ATP10B: variants seen among roughly 807,000 people sequenced by gnomAD.
ATP10B encodes the protein ATPase phospholipid transporting 10B (putative).
A neutral mutation model predicts 141.2 loss-of-function variants in ATP10B; 122 were observed. The observed-to-expected ratio is 0.86, with a 90% CI of 0.75 to 1.00. The LOEUF (loss-of-function observed/expected upper bound fraction) is 1.00, where lower values mean the gene tolerates loss of function less well. ATP10B is among the 50% of genes least tolerant of loss of function. The probability of loss-of-function intolerance (pLI) is 0.00; values close to 1 mark genes in which losing one functional copy is unlikely to be tolerated. For synonymous variants in ATP10B, 685 were observed against 692.0 expected (o/e 0.99, Z 0.16); for missense variants, 1,876 against 1,825.3 (o/e 1.03, Z -0.51).
intron 2 of ATP10B, among the ~76,000 whole-genome samples, chr5:160,776,979 T>C (rs1770378215): frequency 6.6e-6 from 1 of 152,072 alleles, no homozygotes; most frequent in Non-Finnish European, 1.5e-5. Flanking sequence ...GGGAGCTGAG[T>C]GATCTGGCAA....
intron 7 of ATP10B, among the ~76,000 whole-genome samples, chr5:160,653,370 A>T (rs1225212433): frequency 1.5e-5 from 1 of 66,332 alleles, no homozygotes; most frequent in Non-Finnish European, 3.1e-5. Flanking sequence ...ACATACGTAC[A>T]TACATACATA....
intron 18 of ATP10B, among the ~76,000 whole-genome samples, chr5:160,608,949 G>A (rs982776106): frequency 6.6e-6 from 1 of 152,150 alleles, no homozygotes; most frequent in Non-Finnish European, 1.5e-5. Flanking sequence ...GATCCTATTT[G>A]TTAATTTTGG....
At chr5:160,723,685 A>G (rs1219419235) in intron 2 of ATP10B, among the ~76,000 whole-genome samples, 5 of 152,178 alleles carry the variant, frequency 3.3e-5, no homozygotes, top group African/African-American at 1.2e-4. Context: ...AAAATTAATC[A>G]AGAAATACCA....
intron 2 of ATP10B, among the ~76,000 whole-genome samples, chr5:160,741,366 G>A (rs1443619300): frequency 6.6e-6 from 1 of 152,220 alleles, no homozygotes; most frequent in Non-Finnish European, 1.5e-5. Flanking sequence ...AGGAGGATGG[G>A]ATCAGTCTCT....
At chr5:160,725,754 A>T (rs75397031) in intron 2 of ATP10B, among the ~76,000 whole-genome samples, 2,639 of 152,214 alleles carry the variant, frequency 0.017, 78 homozygotes, top group African/African-American at 0.06. Flanking sequence ...CTACTATGGG[A>T]TTCTTAGGTA....
At chr5:160,643,607 C>A (rs1561687599) in intron 9 of ATP10B, among the ~76,000 whole-genome samples, 1 of 152,122 alleles carries the variant, frequency 6.6e-6, no homozygotes, top group Non-Finnish European at 1.5e-5. Flanking sequence ...ATATATGGAG[C>A]CATAAAATAA....
the ATP10B span, among the ~76,000 whole-genome samples, chr5:160,921,144 T>C: frequency 6.6e-6 from 1 of 152,202 alleles, no homozygotes; most frequent in African/African-American, 2.4e-5. Context: ...GGATCAAATA[T>C]TGTCATTCTT....
intron 1 of ATP10B, among the ~76,000 whole-genome samples, chr5:160,845,771 A>T (rs116287087): frequency 0.013 from 1,915 of 152,246 alleles, 40 homozygotes; most frequent in African/African-American, 0.044. Flanking sequence ...AGCTATGAGG[A>T]CGGTCACCAT....
At chr5:160,621,614 G>T (rs1175728097) in intron 14 of ATP10B, among the ~76,000 whole-genome samples, 1 of 152,220 alleles carries the variant, frequency 6.6e-6, no homozygotes, top group African/African-American at 2.4e-5. Flanking sequence ...GATTTTCAGG[G>T]TGGTTTGGAA....
At chr5:160,707,487 T>C (rs1378388389) in intron 3 of ATP10B, among the ~76,000 whole-genome samples, 1 of 152,210 alleles carries the variant, frequency 6.6e-6, no homozygotes, top group African/African-American at 2.4e-5. Flanking sequence ...ACTCATTAAA[T>C]TGCAAGCAAA....
Position 160,604,583 on chromosome 5 carries a change from G to T in ATP10B, c.3161-542C>A, listed in dbSNP as rs182413099. On this transcript the variant is annotated intron_variant, in intron 19 of 25. Transcript: ENST00000327245. ...GTCAATGGTTTCCAAGGAGAGGGAT[G>T]ATATTGTTTTGTTTCTCAGTGTAGA... 3.3e-5 allele frequency among the ~76,000 whole-genome samples: 5 copies of T among 152,254 alleles called. No individual in the cohort carries two copies. In the East Asian group the frequency reaches 9.6e-4, roughly 29 times the overall value.
intron 1 of ATP10B, among the ~76,000 whole-genome samples, chr5:160,824,696 G>A (rs1774440507): frequency 6.6e-6 from 1 of 150,444 alleles, no homozygotes; most frequent in South Asian, 2.1e-4. Context: ...TTAAGTGTTT[G>A]TATATCTAAA....
chr5:160,739,997 A>T lies in ATP10B; in HGVS notation c.-330-22963T>A, dbSNP rs528877994. Reference sequence around the variant, plus strand: ...CAACATTCTTTTCCTTTTTAAAAAAATAAATACTGAATAAATAAGTGAGGA... The same window carrying T: ...CAACATTCTTTTCCTTTTTAAAAAATTAAATACTGAATAAATAAGTGAGGA... On this transcript the variant is annotated intron_variant, in intron 2 of 25. Transcript: ENST00000327245. 1.1e-4 allele frequency among the ~76,000 whole-genome samples: 16 copies of T among 152,326 alleles called. No individual in the cohort carries two copies. In the South Asian group the frequency reaches 3.1e-3, roughly 30 times the overall value.
chr5:160,661,076 C>T (rs1056181505), intron 7 of ATP10B, among the ~76,000 whole-genome samples: 3 of 152,102 alleles, frequency 2.0e-5, no homozygotes, highest in African/African-American at 7.2e-5. Context: ...ATCCCAGCTA[C>T]TCTGGAGGCT....
chr5:160,828,060 C>T (rs1044658832), intron 1 of ATP10B, among the ~76,000 whole-genome samples: 1 of 152,128 alleles, frequency 6.6e-6, no homozygotes, highest in South Asian at 2.1e-4. Context: ...AAAATTAATT[C>T]AAGATGGATT....
chr5:160,626,458 T>C (rs1485712693), intron 13 of ATP10B, among the ~76,000 whole-genome samples: 1 of 152,196 alleles, frequency 6.6e-6, no homozygotes, highest in East Asian at 1.9e-4. Context: ...TTAGTATCAT[T>C]CCACTTTAAT....
At position 160,778,237 on chromosome 5, in the gene ATP10B, A is replaced by G. The variant is rs1770476547; in HGVS notation, c.-331+7322T>C. ...TCATAAAGTATAAAACTTCACTTGG[A>G]AACAGCATCTGAACTTTCCTCATTC... On this transcript the variant is annotated intron_variant, in intron 2 of 25. Coordinates refer to ENST00000327245, the MANE Select transcript of ATP10B (RefSeq NM_025153.3). 2.0e-5 allele frequency among the ~76,000 whole-genome samples: 3 copies of G among 152,352 alleles called. No homozygotes were observed. In the East Asian group the frequency reaches 5.8e-4, roughly 29 times the overall value.
intron 24 of ATP10B, among the ~76,000 whole-genome samples, chr5:160,584,942 G>A (rs893826889): frequency 2.0e-5 from 3 of 152,166 alleles, no homozygotes; most frequent in African/African-American, 7.2e-5. Flanking sequence ...TCCTTTTCAA[G>A]TAATTTGTCT....
rs536593066 is a variant in ATP10B, at chr5:160,687,814, A to C, written c.261T>G (p.Phe87Leu). 6.2e-6 allele frequency: 10 copies of C among 1,613,890 alleles called. No individual in the cohort carries two copies. In the African/African-American group the frequency reaches 1.1e-4, roughly 17 times the overall value. ...TLFTFLPRNL[F>L]EQFHRWANLY... ...TGGATCTCTACCTATGAAATTGCTC[A>C]AAGAGATTCCGGGGCAGGAAGGTGA... The change falls in exon 5 of 26, where the codon TTT becomes TTG. Residue 87 changes from phenylalanine to leucine, a missense_variant. Phe to Leu is a conservative substitution (Grantham distance 22). Transcript: ENST00000327245.
Sources: allele counts gnomAD v4.1 joint callset (sites outside exome capture counted in the v4.1 genomes callset), GRCh38; gene constraint gnomAD v4.1.1; transcripts MANE v1.5; gene names NCBI Gene and HGNC (gene_info 2026-07-23, HGNC 2026-07-21).